PDSS2: variants seen among roughly 807,000 people sequenced by gnomAD.
The protein encoded by PDSS2 is decaprenyl diphosphate synthase subunit 2.
A neutral mutation model predicts 44.5 loss-of-function variants in PDSS2; 31 were observed. The ratio of observed to expected loss-of-function variants is 0.70; its 90% CI spans 0.52 to 0.94. The LOEUF (loss-of-function observed/expected upper bound fraction) is 0.94. Ranked by LOEUF, PDSS2 falls within the 40% of genes least tolerant of loss-of-function variation. The pLI, the probability that PDSS2 is intolerant of heterozygous loss-of-function variation, is 0.00. For missense variants in PDSS2, 452 were observed against 482.2 expected, an observed-to-expected ratio of 0.94 and a Z score of 0.59; for synonymous variants, 157 against 180.3, an observed-to-expected ratio of 0.87 and a Z score of 1.03.
intron 1 of PDSS2, among the ~76,000 whole-genome samples, chr6:107,359,673 A>T (rs1036170999): frequency 8.6e-5 from 13 of 151,826 alleles, no homozygotes; most frequent in African/African-American, 3.1e-4. Context: ...TTCAGATATA[A>T]GGCATCAAGC....
intron 1 of PDSS2, among the ~76,000 whole-genome samples, chr6:107,398,405 T>C (rs1780011088): frequency 6.6e-6 from 1 of 152,258 alleles, no homozygotes; most frequent in African/African-American, 2.4e-5. Context: ...AATGGGTCTA[T>C]TATTGTTTTA....
At chr6:107,224,723 A>T (rs1257644699) in intron 4 of PDSS2, among the ~76,000 whole-genome samples, 2 of 151,478 alleles carry the variant, frequency 1.3e-5, no homozygotes, top group African/African-American at 4.9e-5. Context: ...AAAAATGGTT[A>T]CACTATACGA....
At chr6:107,424,171 A>G (rs1420472635) in intron 1 of PDSS2, among the ~76,000 whole-genome samples, 2 of 151,264 alleles carry the variant, frequency 1.3e-5, no homozygotes, top group Non-Finnish European at 2.9e-5. Context: ...CATCTCAAGT[A>G]ACTGGGACCA....
At chr6:107,412,814 G>A (rs975065607) in intron 1 of PDSS2, among the ~76,000 whole-genome samples, 2 of 151,932 alleles carry the variant, frequency 1.3e-5, no homozygotes, top group African/African-American at 4.8e-5. Context: ...TTAAATCTCT[G>A]ACCCATGTAA....
intron 1 of PDSS2, among the ~76,000 whole-genome samples, chr6:107,347,374 C>T (rs1390647241): frequency 6.7e-6 from 1 of 149,666 alleles, no homozygotes; most frequent in African/African-American, 2.5e-5. Context: ...CCGATTCAAG[C>T]GATTCAAGCC....
At chr6:107,352,111 C>T (rs1233088772) in intron 1 of PDSS2, among the ~76,000 whole-genome samples, 2 of 152,034 alleles carry the variant, frequency 1.3e-5, no homozygotes, top group Non-Finnish European at 1.5e-5. Context: ...CCCAAGAATA[C>T]GTCATGTTTT....
chr6:107,387,832 T>C (rs1431572425), intron 1 of PDSS2, among the ~76,000 whole-genome samples: 1 of 152,180 alleles, frequency 6.6e-6, no homozygotes, highest in Non-Finnish European at 1.5e-5. Flanking sequence ...CAAATTACAC[T>C]CTGAGTGCTG....
chr6:107,407,942 G>A (rs926948966), intron 1 of PDSS2, among the ~76,000 whole-genome samples: 24 of 152,046 alleles, frequency 1.6e-4, no homozygotes, highest in African/African-American at 2.9e-4. Flanking sequence ...CTCGTGATCC[G>A]CCTGCCTAGG....
intron 1 of PDSS2, among the ~76,000 whole-genome samples, chr6:107,411,181 C>T (rs557808246): frequency 5.3e-4 from 81 of 152,220 alleles, no homozygotes; most frequent in African/African-American, 1.8e-3. Context: ...CCACTGCACC[C>T]GGCCTACCAT....
intron 7 of PDSS2, among the ~76,000 whole-genome samples, chr6:107,176,421 CACACACAT>C (rs1176996425): frequency 8.4e-4 from 54 of 64,362 alleles, no homozygotes; most frequent in African/African-American, 4.9e-3. Flanking sequence ...TTAACACACA[CACACACAT>C]ACACACACAC....
At chr6:107,315,101 T>G (rs1243856761) in intron 2 of PDSS2, among the ~76,000 whole-genome samples, 1 of 152,148 alleles carries the variant, frequency 6.6e-6, no homozygotes, top group African/African-American at 2.4e-5. Flanking sequence ...TTAAATAAAT[T>G]TACCAATTAC....
At chr6:107,384,023 T>C (rs957932129) in intron 1 of PDSS2, among the ~76,000 whole-genome samples, 1 of 152,160 alleles carries the variant, frequency 6.6e-6, no homozygotes, top group African/African-American at 2.4e-5. Context: ...CAAATATCCA[T>C]TAGCTAATCA....
chr6:107,334,228 T>C lies in PDSS2; in HGVS notation c.401A>G (p.Asn134Ser), dbSNP rs1432782767. The change falls in exon 2 of 8, where the codon AAC (asparagine) becomes AGC (serine). Residue 134 changes from asparagine to serine, a missense_variant. Transcript: ENST00000369037. The stretch of plus-strand genomic sequence containing the variant: ...GTAGATCCCACTGACCATGTCATAG[T>C]TCTGACATGAAGTGTTCACGCTGCT... ...GPSSVNTSCQ[N>S]YDMVSGIYSC... is the part of the protein sequence containing the mutation. 1 of 1,613,240 alleles carries C rather than the reference T, an allele frequency of 6.2e-7. No individual in the cohort carries two copies. Among genetic ancestry groups the C allele is most frequent in the South Asian group, 1.1e-5 (1 of 91,056 alleles).
At chr6:107,416,320 C>T (rs915802902) in intron 1 of PDSS2, among the ~76,000 whole-genome samples, 1 of 152,020 alleles carries the variant, frequency 6.6e-6, no homozygotes, top group Non-Finnish European at 1.5e-5. Context: ...TCGGCACAGA[C>T]ATTTGAGGGT....
chr6:107,392,975 T>C (rs981066893), intron 1 of PDSS2, among the ~76,000 whole-genome samples: 3 of 152,152 alleles, frequency 2.0e-5, no homozygotes, highest in Non-Finnish European at 2.9e-5. Flanking sequence ...ATTTATGATA[T>C]TGATGGGTCT....
intron 5 of PDSS2, among the ~76,000 whole-genome samples, chr6:107,210,974 C>G (rs1365198949): frequency 7.0e-6 from 1 of 143,636 alleles, no homozygotes; most frequent in African/African-American, 2.6e-5. Context: ...CCCCTCTGGG[C>G]GAGAGCAAAA....
intron 7 of PDSS2, among the ~76,000 whole-genome samples, chr6:107,171,273 C>T (rs1344198341): frequency 6.6e-6 from 1 of 151,962 alleles, no homozygotes; most frequent in African/African-American, 2.4e-5. Context: ...GCCATCCTCT[C>T]ACTTTAGCCT....
chr6:107,264,458 C>A (rs905226986), intron 3 of PDSS2: 29 of 1,549,718 alleles, frequency 1.9e-5, no homozygotes, highest in Non-Finnish European at 2.5e-5. Context: ...AAGATCCAGG[C>A]TGACTCACAG....
Position 107,274,026 on chromosome 6 carries a change from T to C in PDSS2, c.630+3A>G. 6.2e-7 allele frequency: 1 copy of C among 1,613,410 alleles called. No individual in the cohort carries two copies. Among genetic ancestry groups the C allele is most frequent in the Non-Finnish European group, 8.5e-7 (1 of 1,179,390 alleles). On this transcript the variant is annotated splice_donor_region_variant and intron_variant, in intron 3 of 7. Transcript: ENST00000369037. ...GGTACAACAAAACCCTGCCCAATTTTACCTTGGTGTTCTGTAGCAGAGCTA... is the reference window on the plus strand; with the variant it reads ...GGTACAACAAAACCCTGCCCAATTTCACCTTGGTGTTCTGTAGCAGAGCTA...
Sources: allele counts gnomAD v4.1 joint callset (sites outside exome capture counted in the v4.1 genomes callset), GRCh38; gene constraint gnomAD v4.1.1; transcripts MANE v1.5; gene names NCBI Gene and HGNC (gene_info 2026-07-23, HGNC 2026-07-21).